The following COL16A1 variants were observed in gnomAD, a reference collection of about 807,000 sequenced individuals.
The protein encoded by COL16A1 is collagen alpha-1(XVI) chain.
Under a neutral mutation model 266.3 loss-of-function variants are expected in COL16A1, and 189 were observed. The ratio of observed to expected loss-of-function variants is 0.71; its 90% confidence interval spans 0.63 to 0.80. The LOEUF (loss-of-function observed/expected upper bound fraction) is 0.80. Ranked by LOEUF, COL16A1 falls within the 30% of genes least tolerant of loss-of-function variation. The pLI is 0.00. For synonymous variants in COL16A1, 740 were observed against 782.3 expected (o/e 0.95, Z 0.90); for missense variants, 1,928 against 2,122.4 (o/e 0.91, Z 1.80).
chr1:31,658,865 G>T (rs1234991427), intron 63 of COL16A1, 49 bp downstream of exon 63: 1 of 1,543,520 alleles, frequency 6.5e-7, no homozygotes, highest in Non-Finnish European at 8.8e-7. Context: ...CCACAGTCAA[G>T]CAGGGCAAAA....
At chr1:31,694,901 T>A (rs987665686) in intron 11 of COL16A1, among the ~76,000 whole-genome samples, 1 of 152,180 alleles carries the variant, frequency 6.6e-6, no homozygotes, top group Non-Finnish European at 1.5e-5. Flanking sequence ...AAAGCTGCGA[T>A]CAGCAACCAA....
In COL16A1 at chr1:31,697,212, C is replaced by G; in HGVS notation, c.738+8G>C. On this transcript the variant is annotated splice_region_variant and intron_variant, in intron 7 of 70. Coordinates refer to ENST00000373672, the MANE Select transcript of COL16A1 (RefSeq NM_001856.4). The surrounding 1 kb of genome is among the most constrained non-coding windows in gnomAD (Gnocchi z 4.2). ...GTCCCTGGGCAGCCCAAGGGCCGGG[C>G]CACTCACCCCTGCTGGTAAAATCTC... is the stretch of plus-strand genomic sequence containing the variant. The G allele has an allele frequency of 6.2e-7, 1 of 1,613,188 alleles. No individual in the cohort carries two copies. Among genetic ancestry groups the G allele is most frequent in the African/African-American group, 1.3e-5 (1 of 75,022 alleles).
intron 13 of COL16A1, 82 bp downstream of exon 13, chr1:31,693,010 G>T: frequency 1.9e-6 from 2 of 1,045,000 alleles, no homozygotes; most frequent in Non-Finnish European, 2.9e-6. Context: ...CTGCCGGGAT[G>T]ATGGGATGAT....
chr1:31,691,118 C>T, intron 20 of COL16A1, 70 bp downstream of exon 20: 2 of 1,570,762 alleles, frequency 1.3e-6, no homozygotes, highest in Non-Finnish European at 1.7e-6. Flanking sequence ...GGGAAGCTGC[C>T]CCGGCCCCTT....
chr1:31,667,397 C>T (rs931606667), intron 52 of COL16A1, among the ~76,000 whole-genome samples, 178 bp downstream of exon 52: 15 of 152,286 alleles, frequency 9.8e-5, no homozygotes, highest in Admixed American at 6.5e-5. Context: ...GGCAGCCCTG[C>T]GGGGATTCTC....
intron 4 of COL16A1, 123 bp downstream of exon 4, chr1:31,699,690 T>C: frequency 7.1e-6 from 5 of 703,044 alleles, no homozygotes; most frequent in South Asian, 6.8e-5. Flanking sequence ...GGTTGACTCC[T>C]GGCAGGGGCT....
intron 20 of COL16A1, among the ~76,000 whole-genome samples, chr1:31,690,984 C>T (rs965278125): frequency 8.6e-5 from 13 of 151,772 alleles, no homozygotes; most frequent in Admixed American, 4.6e-4. Flanking sequence ...GCGGAGGTTG[C>T]AGTGAGCAGC....
At chr1:31,661,349 A>T (rs1641644815) in intron 60 of COL16A1, 65 bp downstream of exon 60, 1 of 1,611,016 alleles carries the variant, frequency 6.2e-7, no homozygotes, top group Admixed American at 1.7e-5. Context: ...GCTGCCATGT[A>T]TGCCTGGGGG....
rs1346581690 is a variant in COL16A1, at chr1:31,688,776, G to T, written c.1767+85C>A. Reference sequence around the variant, plus strand: ...CCCTCCCTCCTGATCCCTGCCCTGAGACTTGGGATCTGAAAAGCCAGGGAG... The same window carrying T: ...CCCTCCCTCCTGATCCCTGCCCTGATACTTGGGATCTGAAAAGCCAGGGAG... On this transcript the variant is annotated intron_variant, in intron 25 of 70. Transcript: ENST00000373672. The surrounding 1 kb of genome is among the most constrained non-coding windows in gnomAD (Gnocchi z 4.9). The T allele has an allele frequency of 1.4e-6, 2 of 1,405,346 alleles. No individual in the cohort carries two copies. The highest frequency in any genetic ancestry group is 2.0e-5 in the Admixed American group (1 of 50,168). 87.1% of individuals were successfully genotyped at this position (1,405,346 alleles called of 1,614,324 possible).
chr1:31,698,585 G>A lies in COL16A1; in HGVS notation c.288C>T (p.Leu96=), dbSNP rs1644598501. The change falls in exon 5 of 71, where the codon CTC becomes CTT. Residue 96 remains leucine (L), a synonymous_variant. Coordinates refer to ENST00000373672, the MANE Select transcript of COL16A1 (RefSeq NM_001856.4). The surrounding 1 kb of genome is among the most constrained non-coding windows in gnomAD (Gnocchi z 4.1). ...QPTRRVFPRG[L]PEEFALVLTL... ...TCAGCACCAGGGCAAACTCCTCCGG[G>A]AGACCCCGAGGGAATACTCTTCTGG... is the stretch of plus-strand genomic sequence containing the variant. 1 of 1,613,860 alleles carries A rather than the reference G, an allele frequency of 6.2e-7. No homozygotes were observed. Among genetic ancestry groups the A allele is most frequent in the Non-Finnish European group, 8.5e-7 (1 of 1,180,010 alleles).
At position 31,679,694 on chromosome 1, in the gene COL16A1, G is replaced by A. The variant is rs376005761; in HGVS notation, c.2719-9C>T. 1.2e-6 allele frequency: 2 copies of A among 1,613,884 alleles called. No homozygotes were observed. The highest frequency in any genetic ancestry group is 2.2e-5 in the East Asian group (1 of 44,898). On this transcript the variant is annotated splice_polypyrimidine_tract_variant and intron_variant, in intron 41 of 70. Transcript: ENST00000373672. Reference sequence around the variant, plus strand: ...GGAATACCTGGTGGACCCTGAGGGAGAGAGAAAAGAGTCAGAGCCAGCAGA... The same window carrying A: ...GGAATACCTGGTGGACCCTGAGGGAAAGAGAAAAGAGTCAGAGCCAGCAGA...
Position 31,668,337 on chromosome 1 carries a change from C to T in COL16A1, c.3250-119G>A. 9.5e-7 allele frequency: 1 copy of T among 1,056,334 alleles called. No homozygotes were observed. Among genetic ancestry groups the T allele is most frequent in the South Asian group, 1.3e-5 (1 of 74,810 alleles). 65.4% of individuals were successfully genotyped at this position (1,056,334 alleles called of 1,614,324 possible). ...CTGCCATCTAGCAGGTGCCAGCCTG[C>T]CCCAGCATTGCACACTGGGCCATCT... On this transcript the variant is annotated intron_variant, in intron 50 of 70. Transcript: ENST00000373672. This position sits in a 1 kb window ranked among gnomAD's most constrained non-coding sequence, Gnocchi z 5.8.
intron 70 of COL16A1, 68 bp downstream of exon 70, chr1:31,653,531 G>A: frequency 6.6e-7 from 1 of 1,525,400 alleles, no homozygotes; most frequent in South Asian, 1.2e-5. Context: ...CTGTGTCATA[G>A]AAGAAACAGA....
chr1:31,679,299 C>G, intron 42 of COL16A1: 1 of 1,083,206 alleles, frequency 9.2e-7, no homozygotes, highest in Non-Finnish European at 1.3e-6. Context: ...TGTGCAAAAA[C>G]ACATGTTGCA....
chr1:31,679,727 G>A (rs1416580835), intron 41 of COL16A1, 42 bp from the exon 42 acceptor site: 1 of 1,612,058 alleles, frequency 6.2e-7, no homozygotes, highest in African/African-American at 1.3e-5. Flanking sequence ...AGAGAGCTCT[G>A]CCCCATGGCC....
intron 1 of COL16A1, among the ~76,000 whole-genome samples, chr1:31,702,860 T>C (rs946149794): frequency 1.3e-5 from 2 of 152,106 alleles, no homozygotes; most frequent in African/African-American, 4.8e-5. Context: ...CAGGACCTCA[T>C]TGCCAGCCAC....
At position 31,658,971 on chromosome 1, in the gene COL16A1, A is replaced by G. The variant is rs1423540638; in HGVS notation, c.3880-7T>C. ...CTGGAGGCCCTGGTGGCCCCTAAAG[A>G]GAGATGAGTCAGTGGGATAGAAACA... On this transcript the variant is annotated splice_polypyrimidine_tract_variant and splice_region_variant and intron_variant, in intron 62 of 70. Transcript: ENST00000373672. 1 of 1,553,318 alleles carries G rather than the reference A, an allele frequency of 6.4e-7. No individual in the cohort carries two copies. Among genetic ancestry groups the G allele is most frequent in the Non-Finnish European group, 8.7e-7 (1 of 1,147,878 alleles).
chr1:31,670,351 G>T lies in COL16A1; in HGVS notation c.3195+251C>A. 1 of 430,624 alleles carries T rather than the reference G, an allele frequency of 2.3e-6. No individual in the cohort carries two copies. The highest frequency in any genetic ancestry group is 4.1e-6 in the Non-Finnish European group (1 of 245,298). The allele number at this position is 430,624 out of a possible 1,614,324, so 26.7% of individuals were successfully genotyped here. On this transcript the variant is annotated intron_variant, in intron 49 of 70. Transcript: ENST00000373672. This position sits in a 1 kb window ranked among gnomAD's most constrained non-coding sequence, Gnocchi z 4.5. The stretch of plus-strand genomic sequence containing the variant: ...AGAAATGGAGAAGGAAGACAGAACG[G>T]GGTAAGAGAGAGAAGAGGAGAGAAA...
In COL16A1 at chr1:31,661,660, C is replaced by G; in HGVS notation, c.3726G>C (p.Pro1242=). 6.2e-7 allele frequency: 1 copy of G among 1,613,462 alleles called. No individual in the cohort carries two copies. The highest frequency in any genetic ancestry group is 1.1e-5 in the South Asian group (1 of 90,966). ...AACTCCTTCCTGCAGCTCAACTTAC[C>G]GGTGGTCCCATGAGTCCAGGGGGGC... is the stretch of plus-strand genomic sequence containing the variant. ...PAGPPGLMGP[P]GFKGKTGHPG... The change falls in exon 59 of 71, where the codon CCG becomes CCC. Residue 1242 remains proline, a splice_region_variant and synonymous_variant. Coordinates refer to ENST00000373672, the MANE Select transcript of COL16A1 (RefSeq NM_001856.4).
Sources: gnomAD v4.1 joint callset for allele counts (sites outside exome capture counted in the v4.1 genomes callset) on GRCh38, gnomAD v4.1.1 for gene constraint, Gnocchi (gnomAD v3.1) non-coding constraint, MANE v1.5 for transcripts, NCBI Gene and HGNC (gene_info 2026-07-23, HGNC 2026-07-21) for gene names.